Variants in FAAH2 observed in about 807,000 individuals in gnomAD.
FAAH2 encodes fatty acid amide hydrolase 2.
In FAAH2, 60 loss-of-function variants were observed where a neutral mutation model predicts 36.9. That is an observed-to-expected ratio of 1.63 (90% CI 1.32 to 2.02). The LOEUF is 2.02. FAAH2 is among the 30% of genes most tolerant of loss of function. The pLI, the probability that FAAH2 is intolerant of heterozygous loss-of-function variation, is 0.00. For missense variants in FAAH2, 689 were observed against 397.5 expected (o/e 1.73, Z -6.23); for synonymous variants, 214 against 143.8 (o/e 1.49, Z -3.49).
intron 10 of FAAH2, among the ~76,000 whole-genome samples, chrX:57,455,188 T>C (rs764744967): frequency 1.8e-5 from 2 of 111,662 alleles, no homozygotes; most frequent in African/African-American, 3.2e-5. Flanking sequence ...AAGAATATCA[T>C]ATTCCATGAA....
At chrX:57,145,757 G>A in the FAAH2 span, among the ~76,000 whole-genome samples, 1 of 111,827 alleles carries the variant, frequency 8.9e-6, no homozygotes, top group East Asian at 2.8e-4. Flanking sequence ...TGAGGATCTA[G>A]TTTCATTCTC....
upstream of FAAH2, among the ~76,000 whole-genome samples, chrX:57,283,607 T>A (rs2516020): frequency 0.45 from 49,794 of 109,945 alleles, 11,425 homozygotes; most frequent in African/African-American, 0.89. Flanking sequence ...GGGAATGCTC[T>A]GCCAAGGGTG....
intron 8 of FAAH2, among the ~76,000 whole-genome samples, chrX:57,441,836 A>T (rs934944269): frequency 4.5e-5 from 5 of 111,578 alleles, no homozygotes; most frequent in Middle Eastern, 4.6e-3. Flanking sequence ...TTTGAAGAAC[A>T]TCTTTATTTC....
intron 10 of FAAH2, among the ~76,000 whole-genome samples, chrX:57,453,263 G>C (rs2056814922): frequency 8.9e-6 from 1 of 112,442 alleles, no homozygotes; most frequent in South Asian, 3.6e-4. Flanking sequence ...TCAGAATCAA[G>C]AGTTGATAAA....
chrX:57,251,398 C>T, the FAAH2 span, among the ~76,000 whole-genome samples: 1 of 111,657 alleles, frequency 9.0e-6, no homozygotes, highest in Non-Finnish European at 1.9e-5. Flanking sequence ...TAACCTCATA[C>T]TAAGTGGTAA....
chrX:57,174,666 G>T, the FAAH2 span, among the ~76,000 whole-genome samples: 1 of 110,831 alleles, frequency 9.0e-6, no homozygotes, highest in Non-Finnish European at 1.9e-5. Flanking sequence ...GATGTGTTTT[G>T]TCAGGTTGTC....
chrX:57,435,471 A>G (rs2056390942), intron 8 of FAAH2, among the ~76,000 whole-genome samples: 1 of 110,949 alleles, frequency 9.0e-6, no homozygotes. Context: ...CTGTAAATAC[A>G]TACATAGACT....
At chrX:57,126,686 A>G in the FAAH2 span, among the ~76,000 whole-genome samples, 1 of 111,633 alleles carries the variant, frequency 9.0e-6, no homozygotes, top group African/African-American at 3.2e-5. Context: ...ACTTTTGAAT[A>G]TTCATCTCAC....
At chrX:57,482,115 C>A (rs1333757044) in intron 10 of FAAH2, among the ~76,000 whole-genome samples, 1 of 111,590 alleles carries the variant, frequency 9.0e-6, no homozygotes, top group African/African-American at 3.3e-5. Context: ...CCCAGGTTAA[C>A]CTCAGACTGT....
At chrX:57,142,844 A>T in the FAAH2 span, among the ~76,000 whole-genome samples, 10 of 111,323 alleles carry the variant, frequency 9.0e-5, no homozygotes, top group African/African-American at 3.3e-4. Context: ...TGACCCCTTT[A>T]TCATTATATA....
chrX:57,181,143 T>C, the FAAH2 span, among the ~76,000 whole-genome samples: 1 of 110,898 alleles, frequency 9.0e-6, no homozygotes, highest in Non-Finnish European at 1.9e-5. Context: ...ATAATGAGAG[T>C]CACGTATGAA....
the FAAH2 span, among the ~76,000 whole-genome samples, chrX:57,124,569 C>T: frequency 8.9e-6 from 1 of 111,829 alleles, no homozygotes; most frequent in Non-Finnish European, 1.9e-5. Flanking sequence ...ATGGGGAACG[C>T]ATTGAATCTA....
chrX:57,219,165 G>T, the FAAH2 span, among the ~76,000 whole-genome samples: 713 of 111,890 alleles, frequency 6.4e-3, 4 homozygotes, highest in Non-Finnish European at 9.9e-3. Context: ...CTGTTTACAG[G>T]AGACTGTAAA....
the FAAH2 span, among the ~76,000 whole-genome samples, chrX:57,167,889 C>T: frequency 9.0e-6 from 1 of 111,490 alleles, no homozygotes; most frequent in African/African-American, 3.3e-5. Context: ...CCAGAGTGGG[C>T]CTCCTGTCAT....
chrX:57,399,008 G>T (rs1031945811), intron 7 of FAAH2, among the ~76,000 whole-genome samples: 1 of 111,337 alleles, frequency 9.0e-6, no homozygotes, highest in Admixed American at 9.6e-5. Context: ...CTTTGGAGGG[G>T]TGCCTTTGAT....
At chrX:57,339,688 A>G in intron 4 of FAAH2, among the ~76,000 whole-genome samples, 1 of 112,462 alleles carries the variant, frequency 8.9e-6, no homozygotes, top group Admixed American at 9.4e-5. Context: ...CGCACATCAA[A>G]CCACAATGAG....
At chrX:57,278,638 C>CA in the FAAH2 span, among the ~76,000 whole-genome samples, 66 of 107,194 alleles carry the variant, frequency 6.2e-4, 1 homozygote, top group East Asian at 1.8e-3. Flanking sequence ...AACAATAAAA[C>CA]AAAAAAAAAC....
At chrX:57,428,344 A>G (rs1285503599) in intron 7 of FAAH2, among the ~76,000 whole-genome samples, 1 of 107,442 alleles carries the variant, frequency 9.3e-6, no homozygotes, top group Non-Finnish European at 1.9e-5. Flanking sequence ...ATTCATTTCA[A>G]TTCTCATCAA....
intron 10 of FAAH2, among the ~76,000 whole-genome samples, chrX:57,481,937 T>C (rs1569375901): frequency 8.9e-6 from 1 of 111,935 alleles, no homozygotes. Flanking sequence ...TTACCTTTCC[T>C]TCAGGGATGC....
Sources: allele counts gnomAD v4.1 joint callset (sites outside exome capture counted in the v4.1 genomes callset), GRCh38; gene constraint gnomAD v4.1.1; transcripts MANE v1.5; gene names NCBI Gene and HGNC (gene_info 2026-07-23, HGNC 2026-07-21).